Variants in MAD1L1 observed in about 807,000 individuals in gnomAD.
The protein encoded by MAD1L1 is mitotic arrest deficient 1 like 1.
MAD1L1 carries 95 observed loss-of-function variants against 96.9 expected under a neutral mutation model. The observed-to-expected ratio is 0.98, with a 90% CI of 0.83 to 1.16. The LOEUF is 1.16. MAD1L1 is among the 50% of genes most tolerant of loss of function. The probability of loss-of-function intolerance (pLI) is 0.00; values close to 1 mark genes in which losing one functional copy is unlikely to be tolerated. For synonymous variants in MAD1L1, 473 were observed against 396.6 expected, an observed-to-expected ratio of 1.19 and a Z score of -2.29; for missense variants, 1,007 against 954.4, an observed-to-expected ratio of 1.06 and a Z score of -0.73.
intron 14 of MAD1L1, among the ~76,000 whole-genome samples, chr7:2,001,088 C>A (rs1204078199): frequency 1.3e-5 from 2 of 152,264 alleles, no homozygotes; most frequent in Non-Finnish European, 2.9e-5. Flanking sequence ...CTCAGCACAC[C>A]CCTGCCGGGT....
At chr7:2,144,974 G>A (rs537213797) in intron 11 of MAD1L1, among the ~76,000 whole-genome samples, 4 of 152,296 alleles carry the variant, frequency 2.6e-5, no homozygotes, top group Non-Finnish European at 4.4e-5. Context: ...GCTAAAGGAA[G>A]GGAGAAACAC....
At chr7:1,942,745 A>T (rs886884688) in intron 16 of MAD1L1, among the ~76,000 whole-genome samples, 1 of 152,210 alleles carries the variant, frequency 6.6e-6, no homozygotes, top group African/African-American at 2.4e-5. Context: ...GTACAATCCC[A>T]GGACTCAGCC....
intron 14 of MAD1L1, among the ~76,000 whole-genome samples, chr7:1,987,108 C>T (rs1356035149): frequency 1.3e-5 from 2 of 152,218 alleles, no homozygotes; most frequent in Admixed American, 1.3e-4. Flanking sequence ...GGAAATGCCG[C>T]CTTCCCCACA....
chr7:2,009,786 G>A (rs575134919), intron 13 of MAD1L1, among the ~76,000 whole-genome samples: 53 of 152,350 alleles, frequency 3.5e-4, no homozygotes, highest in African/African-American at 1.2e-3. Context: ...GGAGAGGACA[G>A]AGCCTGCCCT....
At chr7:1,950,775 C>T (rs1293684635) in intron 16 of MAD1L1, among the ~76,000 whole-genome samples, 1 of 152,236 alleles carries the variant, frequency 6.6e-6, no homozygotes, top group Non-Finnish European at 1.5e-5. Context: ...GGGGGAGCAG[C>T]ACACGTGGGC....
At chr7:2,086,617 C>T (rs918052159) in intron 11 of MAD1L1, among the ~76,000 whole-genome samples, 5 of 152,220 alleles carry the variant, frequency 3.3e-5, no homozygotes, top group Admixed American at 1.3e-4. Context: ...TGCAATGGCA[C>T]GCTCTCGGCT....
intron 9 of MAD1L1, among the ~76,000 whole-genome samples, chr7:2,215,683 C>A (rs367569131): frequency 6.6e-6 from 1 of 152,194 alleles, no homozygotes; most frequent in South Asian, 2.1e-4. Flanking sequence ...TCACCTCATT[C>A]GCCCTGCCAG....
intron 18 of MAD1L1, among the ~76,000 whole-genome samples, chr7:1,855,010 T>C (rs980067934): frequency 2.0e-5 from 3 of 152,120 alleles, no homozygotes; most frequent in Non-Finnish European, 4.4e-5. Flanking sequence ...GCTCCTGGCC[T>C]GTGGGAGGCA....
chr7:2,139,530 T>C (rs1353414828), intron 11 of MAD1L1, among the ~76,000 whole-genome samples: 1 of 152,032 alleles, frequency 6.6e-6, no homozygotes, highest in African/African-American at 2.4e-5. Context: ...CCTGAGAGTA[T>C]GGAAAATACA....
At chr7:2,083,981 A>G (rs971963333) in intron 11 of MAD1L1, among the ~76,000 whole-genome samples, 2 of 151,704 alleles carry the variant, frequency 1.3e-5, no homozygotes, top group East Asian at 1.9e-4. Context: ...CTGGGCATGG[A>G]CCCCCACCCA....
chr7:2,226,251 C>CA (rs1169401603), intron 3 of MAD1L1, among the ~76,000 whole-genome samples: 4 of 152,218 alleles, frequency 2.6e-5, no homozygotes, highest in African/African-American at 4.8e-5. Flanking sequence ...AATCCCACAG[C>CA]AATGAAACCT....
chr7:2,232,317 G>A (rs1323684951), intron 1 of MAD1L1, among the ~76,000 whole-genome samples: 1 of 152,268 alleles, frequency 6.6e-6, no homozygotes, highest in African/African-American at 2.4e-5. Flanking sequence ...CCTGGAAGGA[G>A]GCTCCACAGC....
chr7:2,189,457 C>G (rs1298842686), intron 10 of MAD1L1, among the ~76,000 whole-genome samples: 2 of 152,224 alleles, frequency 1.3e-5, no homozygotes, highest in East Asian at 1.9e-4. Context: ...GAATATTACT[C>G]AGCCTTAGAA....
chr7:2,158,254 A>T (rs1415901502), intron 10 of MAD1L1, among the ~76,000 whole-genome samples: 2 of 152,246 alleles, frequency 1.3e-5, no homozygotes, highest in Non-Finnish European at 2.9e-5. Flanking sequence ...GAGCAGCTCC[A>T]GCCCAAGCCA....
chr7:1,931,121 G>C (rs1025078026), intron 17 of MAD1L1, among the ~76,000 whole-genome samples: 8 of 107,108 alleles, frequency 7.5e-5, no homozygotes, highest in Non-Finnish European at 1.4e-4. Context: ...CATGTCAAGG[G>C]TCTGCTGATG....
In MAD1L1 at chr7:1,847,796, C is replaced by G. The variant is rs1280853932; in HGVS notation, c.1999-31568G>C. 5 of 432,006 alleles carry G rather than the reference C, an allele frequency of 1.2e-5. No individual in the cohort carries two copies. In the Admixed American group the frequency reaches 1.2e-4, roughly 11 times the overall value. 26.8% of individuals were successfully genotyped at this position (432,006 alleles called of 1,614,324 possible). On this transcript the variant is annotated intron_variant, in intron 18 of 18. Coordinates refer to ENST00000265854, the MANE Select transcript of MAD1L1 (RefSeq NM_001013836.2). Reference sequence around the variant, plus strand: ...GTACAAGAATGAACGAATCGGCCTGCCTAGCACCCCTTGGCCGGCTCCAGG... The same window carrying G: ...GTACAAGAATGAACGAATCGGCCTGGCTAGCACCCCTTGGCCGGCTCCAGG...
chr7:1,917,393 G>A (rs1788476572), intron 17 of MAD1L1, among the ~76,000 whole-genome samples: 1 of 152,198 alleles, frequency 6.6e-6, no homozygotes, highest in Non-Finnish European at 1.5e-5. Flanking sequence ...TGGGGGCCGA[G>A]ACAGGGCTGG....
At chr7:2,085,955 C>T (rs182866043) in intron 11 of MAD1L1, among the ~76,000 whole-genome samples, 15 of 152,316 alleles carry the variant, frequency 9.8e-5, no homozygotes, top group Admixed American at 9.8e-4. Context: ...CCCACTCCCG[C>T]CAACTTCACA....
chr7:1,828,054 C>A (rs1290744135), intron 18 of MAD1L1, among the ~76,000 whole-genome samples: 1 of 151,862 alleles, frequency 6.6e-6, no homozygotes, highest in African/African-American at 2.4e-5. Context: ...GTGCTGTGGG[C>A]CCCGGGGCCC....
Sources: allele counts gnomAD v4.1 joint callset (sites outside exome capture counted in the v4.1 genomes callset), GRCh38; gene constraint gnomAD v4.1.1; transcripts MANE v1.5; gene names NCBI Gene and HGNC (gene_info 2026-07-23, HGNC 2026-07-21).